PRKAG2: variants seen among roughly 807,000 people sequenced by gnomAD.
The protein encoded by PRKAG2 is 5'-AMP-activated protein kinase subunit gamma-2.
A neutral mutation model predicts 69.6 loss-of-function variants in PRKAG2; 26 were observed. That is an observed-to-expected ratio of 0.37 (90% CI 0.27 to 0.52). The LOEUF is 0.52. PRKAG2 is among the 20% of genes least tolerant of loss of function. PRKAG2 has a pLI of 0.90. For synonymous variants in PRKAG2, 293 were observed against 285.0 expected (o/e 1.03, Z -0.28); for missense variants, 557 against 740.0 (o/e 0.75, Z 2.87).
At chr7:151,790,008 C>A (rs112113613) in intron 1 of PRKAG2, among the ~76,000 whole-genome samples, 1 of 152,180 alleles carries the variant, frequency 6.6e-6, no homozygotes, top group Non-Finnish European at 1.5e-5. Flanking sequence ...CCATGGACAT[C>A]CCACCTGGAA....
At chr7:151,618,002 A>C (rs1820579798) in intron 5 of PRKAG2, among the ~76,000 whole-genome samples, 1 of 152,194 alleles carries the variant, frequency 6.6e-6, no homozygotes, top group Non-Finnish European at 1.5e-5. Context: ...TGTGACAGTC[A>C]AAAGTATATG....
intron 1 of PRKAG2, among the ~76,000 whole-genome samples, chr7:151,803,300 C>T (rs921453023): frequency 6.6e-5 from 10 of 152,068 alleles, no homozygotes; most frequent in Non-Finnish European, 1.3e-4. Context: ...AGCCGGAATT[C>T]CTTGATTCTG....
chr7:151,723,175 C>G (rs1797389714), intron 3 of PRKAG2, among the ~76,000 whole-genome samples: 1 of 152,170 alleles, frequency 6.6e-6, no homozygotes, highest in African/African-American at 2.4e-5. Flanking sequence ...CCTCCAATAC[C>G]CTTTCCCTAA....
rs76734811 is a variant in PRKAG2 at position 151,785,690 on chromosome 7, G to A, written c.186+780C>T. 4.1e-3 allele frequency among the ~76,000 whole-genome samples: 628 copies of A among 152,270 alleles called. 6 individuals are homozygous for A. The highest frequency in any genetic ancestry group is 0.04 in the East Asian group (209 of 5,174). On this transcript the variant is annotated intron_variant, in intron 2 of 15. Transcript: ENST00000287878. ...CTAGCTCTGTCTGCTGTCACCTGCC[G>A]GAGGGGTCTGTGGGTGGCAGAATGC...
At position 151,699,770 on chromosome 7, in the gene PRKAG2, C is replaced by T. The variant is rs567953973; in HGVS notation, c.467-24133G>A. Among the ~76,000 whole-genome samples, 6 of 152,224 alleles carry T rather than the reference C, an allele frequency of 3.9e-5. No homozygotes were observed. The South Asian group carries it at 6.2e-4, about 16-fold the overall frequency. ...TTTTCATCAATCATTGAAAGCAGGA[C>T]GAGGAGGCTGGGACACAGCAAGGTG... On this transcript the variant is annotated intron_variant, in intron 3 of 15. Transcript: ENST00000287878. This position sits in a 1 kb window ranked among gnomAD's most constrained non-coding sequence, Gnocchi z 4.5.
At chr7:151,670,884 G>T (rs1196593508) in intron 4 of PRKAG2, among the ~76,000 whole-genome samples, 1 of 94,006 alleles carries the variant, frequency 1.1e-5, no homozygotes, top group African/African-American at 4.0e-5. Context: ...TAAAATGAGT[G>T]CTGTTGGCCG....
chr7:151,762,245 T>TC (rs2075456065), intron 3 of PRKAG2, among the ~76,000 whole-genome samples: 1 of 152,166 alleles, frequency 6.6e-6, no homozygotes, highest in East Asian at 1.9e-4. Flanking sequence ...GGCAGCAGGA[T>TC]CCCCTACACG....
chr7:151,570,287 A>T, intron 9 of PRKAG2, 62 bp from the exon 10 acceptor site: 1 of 1,529,614 alleles, frequency 6.5e-7, no homozygotes, highest in Non-Finnish European at 9.0e-7. Flanking sequence ...GTTATAACAC[A>T]AATTCAAATA....
At position 151,777,110 on chromosome 7, in the gene PRKAG2, G is replaced by T. The variant is rs2076403448; in HGVS notation, c.466+4042C>A. Among the ~76,000 whole-genome samples the T allele has an allele frequency of 1.3e-5, 2 of 152,200 alleles. No individual in the cohort carries two copies. The highest frequency in any genetic ancestry group is 4.1e-4 in the South Asian group (2 of 4,838). On this transcript the variant is annotated intron_variant, in intron 3 of 15. Coordinates refer to ENST00000287878, the MANE Select transcript of PRKAG2 (RefSeq NM_016203.4). This position sits in a 1 kb window ranked among gnomAD's most constrained non-coding sequence, Gnocchi z 4.3. ...CTCGGCCCCTGGCTTTAAGGAAAGGGTGGAGGGGAGTCTGGGAGCTTCCTC... is the reference window on the plus strand; with the variant it reads ...CTCGGCCCCTGGCTTTAAGGAAAGGTTGGAGGGGAGTCTGGGAGCTTCCTC...
chr7:151,694,646 A>G (rs1168865586), intron 3 of PRKAG2, among the ~76,000 whole-genome samples: 2 of 143,694 alleles, frequency 1.4e-5, no homozygotes, highest in Non-Finnish European at 3.1e-5. Flanking sequence ...TTGAAGGCTG[A>G]ATACTATTCC....
intron 1 of PRKAG2, among the ~76,000 whole-genome samples, chr7:151,843,227 G>A (rs1054933254): frequency 6.6e-6 from 1 of 152,130 alleles, no homozygotes; most frequent in Non-Finnish European, 1.5e-5. Context: ...GTGTCCACAT[G>A]TCTAGAACCT....
At chr7:151,613,624 A>C (rs903011354) in intron 5 of PRKAG2, among the ~76,000 whole-genome samples, 3 of 151,354 alleles carry the variant, frequency 2.0e-5, no homozygotes, top group East Asian at 1.9e-4. Context: ...CAGCCTCCCA[A>C]GCAGCTGGGA....
At chr7:151,723,310 CAA>C (rs899884651) in intron 3 of PRKAG2, among the ~76,000 whole-genome samples, 5 of 152,146 alleles carry the variant, frequency 3.3e-5, no homozygotes, top group Admixed American at 1.3e-4. Flanking sequence ...CCCCTCCACT[CAA>C]AGAGTTCTGG....
Position 151,624,600 on chromosome 7 carries a change from G to C in PRKAG2, c.754+7469C>G, listed in dbSNP as rs115086015. Among the ~76,000 whole-genome samples the C allele has an allele frequency of 3.6e-3, 543 of 152,292 alleles. 3 individuals are homozygous for C. The highest frequency in any genetic ancestry group is 0.012 in the African/African-American group (516 of 41,554). On this transcript the variant is annotated intron_variant, in intron 5 of 15. Coordinates refer to ENST00000287878, the MANE Select transcript of PRKAG2 (RefSeq NM_016203.4). ...TAACCTTAGCACAAGTGTAATCACG[G>C]CCATGAAAGGAAGGTGTCAAGGCGA...
At chr7:151,773,822 C>A (rs1376195963) in intron 3 of PRKAG2, among the ~76,000 whole-genome samples, 1 of 152,210 alleles carries the variant, frequency 6.6e-6, no homozygotes, top group Non-Finnish European at 1.5e-5. Context: ...GCTCCTGCAG[C>A]CACTCAGCCA....
At chr7:151,799,034 C>A (rs1392466078) in intron 1 of PRKAG2, among the ~76,000 whole-genome samples, 1 of 152,194 alleles carries the variant, frequency 6.6e-6, no homozygotes, top group Non-Finnish European at 1.5e-5. Context: ...CCAGCCCCAG[C>A]CCCCTGCCGA....
At chr7:151,774,926 T>C (rs1259090798) in intron 3 of PRKAG2, among the ~76,000 whole-genome samples, 2 of 152,238 alleles carry the variant, frequency 1.3e-5, no homozygotes, top group African/African-American at 4.8e-5. Context: ...CCATAAATTA[T>C]AGGACAGAAA....
intron 4 of PRKAG2, among the ~76,000 whole-genome samples, chr7:151,649,487 A>C (rs1361442352): frequency 6.6e-6 from 1 of 152,122 alleles, no homozygotes; most frequent in African/African-American, 2.4e-5. Context: ...AACTTTTGTC[A>C]TGTTGGTTGT....
At chr7:151,647,863 G>A (rs536466631) in intron 4 of PRKAG2, among the ~76,000 whole-genome samples, 4 of 152,274 alleles carry the variant, frequency 2.6e-5, no homozygotes, top group African/African-American at 4.8e-5. Context: ...CATTGAAGAC[G>A]TCTTTACAAT....
Sources: allele counts gnomAD v4.1 joint callset (sites outside exome capture counted in the v4.1 genomes callset), GRCh38; gene constraint gnomAD v4.1.1; non-coding constraint Gnocchi (gnomAD v3.1); transcripts MANE v1.5; gene names NCBI Gene and HGNC (gene_info 2026-07-23, HGNC 2026-07-21).